ZNF516: variants seen among roughly 807,000 people sequenced by gnomAD.
ZNF516 encodes the protein zinc finger protein 516.
ZNF516 carries 19 observed loss-of-function variants against 79.7 expected under a neutral mutation model. The ratio of observed to expected loss-of-function variants is 0.24; its 90% confidence interval spans 0.17 to 0.35. ZNF516 has a LOEUF of 0.35. ZNF516 is among the 10% of genes least tolerant of loss of function. The pLI is 1.00. For synonymous variants in ZNF516, 877 were observed against 739.5 expected, an observed-to-expected ratio of 1.19 and a Z score of -3.02; for missense variants, 1,678 against 1,679.5, an observed-to-expected ratio of 1.00 and a Z score of 0.02.
intron 2 of ZNF516, among the ~76,000 whole-genome samples, chr18:76,447,376 G>A (rs1035812112): frequency 2.0e-5 from 3 of 152,224 alleles, no homozygotes; most frequent in Admixed American, 6.5e-5. Flanking sequence ...CTAGTGGGGC[G>A]TGCCTCACGT....
At chr18:76,460,157 T>TC (rs1324929290) in intron 2 of ZNF516, among the ~76,000 whole-genome samples, 2 of 152,252 alleles carry the variant, frequency 1.3e-5, no homozygotes, top group East Asian at 3.9e-4. Flanking sequence ...CTCCGATGAC[T>TC]CCTAGTGCTG....
chr18:76,368,344 T>C (rs1396990145), intron 6 of ZNF516, among the ~76,000 whole-genome samples: 2 of 152,064 alleles, frequency 1.3e-5, no homozygotes, highest in Admixed American at 6.5e-5. Flanking sequence ...TGCAGAGCAT[T>C]CAGTGATAAA....
chr18:76,492,616 C>A (rs2145846032), intron 1 of ZNF516: 1 of 638,802 alleles, frequency 1.6e-6, no homozygotes, highest in Non-Finnish European at 1.9e-6. Flanking sequence ...TTTGCCCGGG[C>A]GAGTGGGTTC....
chr18:76,424,595 A>T (rs1444303177), intron 3 of ZNF516, among the ~76,000 whole-genome samples: 1 of 130,306 alleles, frequency 7.7e-6, no homozygotes, highest in African/African-American at 3.0e-5. Flanking sequence ...CGCAGGTGAA[A>T]AGGCTCCCCC....
At chr18:76,376,456 A>C (rs1317707974) in intron 4 of ZNF516, among the ~76,000 whole-genome samples, 1 of 152,184 alleles carries the variant, frequency 6.6e-6, no homozygotes, top group East Asian at 1.9e-4. Flanking sequence ...AGAAGAATAA[A>C]TAACCCAAGA....
At chr18:76,460,471 G>A (rs147153075) in intron 2 of ZNF516, among the ~76,000 whole-genome samples, 6 of 152,090 alleles carry the variant, frequency 3.9e-5, no homozygotes, top group Non-Finnish European at 7.4e-5. Flanking sequence ...AGTAACATCC[G>A]GGGCTACAAA....
At chr18:76,491,977 C>G (rs1299579564) in intron 1 of ZNF516, among the ~76,000 whole-genome samples, 3 of 152,134 alleles carry the variant, frequency 2.0e-5, no homozygotes, top group Non-Finnish European at 4.4e-5. Flanking sequence ...ACCTTGTAAC[C>G]GAGTTAGATT....
intron 2 of ZNF516, among the ~76,000 whole-genome samples, chr18:76,443,522 G>A (rs896446478): frequency 6.6e-6 from 1 of 152,276 alleles, no homozygotes; most frequent in Non-Finnish European, 1.5e-5. Context: ...GTGTGTAGGA[G>A]TGTGAGGAAT....
chr18:76,487,715 G>A (rs1192491833), intron 1 of ZNF516, among the ~76,000 whole-genome samples: 2 of 152,128 alleles, frequency 1.3e-5, no homozygotes, highest in East Asian at 1.9e-4. Flanking sequence ...TCTTAACTGA[G>A]GGCAGAGGTC....
intron 3 of ZNF516, among the ~76,000 whole-genome samples, chr18:76,410,221 G>C (rs1450398051): frequency 2.0e-5 from 3 of 152,242 alleles, no homozygotes; most frequent in African/African-American, 7.2e-5. Context: ...GGACAGGGAA[G>C]TATGAGGGCT....
At chr18:76,472,615 C>G (rs1913912996) in intron 1 of ZNF516, among the ~76,000 whole-genome samples, 1 of 152,272 alleles carries the variant, frequency 6.6e-6, no homozygotes, top group African/African-American at 2.4e-5. Context: ...CACTTTTCTG[C>G]TGCTTGGATT....
At chr18:76,481,012 G>A (rs1436021342) in intron 1 of ZNF516, among the ~76,000 whole-genome samples, 3 of 152,286 alleles carry the variant, frequency 2.0e-5, no homozygotes, top group East Asian at 3.9e-4. Context: ...TAGGGAAAAC[G>A]TTTGCTGACC....
At position 76,371,473 on chromosome 18, in the gene ZNF516, G is replaced by T; in HGVS notation, c.3358C>A (p.His1120Asn). ...CTGGGCGGGAGGGCGATACCTGAGT[G>T]TGCCCGCATGTGGGCCCTGAGGTGG... is the stretch of plus-strand genomic sequence containing the variant. Reference protein sequence around the residue: ...PGHLRAHMRAHSVVFESDGPR... With the variant: ...PGHLRAHMRANSVVFESDGPR... The change falls in exon 5 of 7, where the codon CAC becomes AAC. Residue 1120 changes from histidine (H) to asparagine (N), a missense_variant. Physicochemically the swap from His to Asn is moderately conservative, Grantham distance 68. Coordinates refer to ENST00000443185, the MANE Select transcript of ZNF516 (RefSeq NM_014643.4). 1 of 1,606,764 alleles carries T rather than the reference G, an allele frequency of 6.2e-7. No individual in the cohort carries two copies.
Position 76,467,811 on chromosome 18 carries a change from C to A in ZNF516, c.-271-4670G>T, listed in dbSNP as rs1205547894. ...CTGAGTTATTTTTACCAAATAAATT[C>A]AAGTCCAGTTATCGAATAACTACAT... On this transcript the variant is annotated intron_variant, in intron 1 of 6. Coordinates refer to ENST00000443185, the MANE Select transcript of ZNF516 (RefSeq NM_014643.4). The surrounding 1 kb of genome is among the most constrained non-coding windows in gnomAD (Gnocchi z 4.2). 6.6e-6 allele frequency among the ~76,000 whole-genome samples: 1 copy of A among 152,250 alleles called. No individual in the cohort carries two copies. Among genetic ancestry groups the A allele is most frequent in the African/African-American group, 2.4e-5 (1 of 41,458 alleles).
chr18:76,448,460 C>T (rs1341519546), intron 2 of ZNF516, among the ~76,000 whole-genome samples: 1 of 152,214 alleles, frequency 6.6e-6, no homozygotes, highest in African/African-American at 2.4e-5. Flanking sequence ...TGCTGAAACA[C>T]TTCCCGGTGT....
At chr18:76,446,303 C>A (rs1288149935) in intron 2 of ZNF516, among the ~76,000 whole-genome samples, 1 of 152,188 alleles carries the variant, frequency 6.6e-6, no homozygotes, top group Non-Finnish European at 1.5e-5. Flanking sequence ...TTAGGCCCCT[C>A]TTCTCATCCC....
At chr18:76,435,017 T>C (rs2075711199) in intron 3 of ZNF516, among the ~76,000 whole-genome samples, 1 of 152,352 alleles carries the variant, frequency 6.6e-6, no homozygotes, top group Non-Finnish European at 1.5e-5. Context: ...CCATTCGGCA[T>C]GGGGCAAAAG....
chr18:76,392,703 G>C (rs1463936292), intron 3 of ZNF516, among the ~76,000 whole-genome samples: 2 of 60,960 alleles, frequency 3.3e-5, no homozygotes, highest in African/African-American at 1.9e-4. Flanking sequence ...GACCAGGTGG[G>C]GGAAAGGTGG....
intron 1 of ZNF516, among the ~76,000 whole-genome samples, chr18:76,464,620 G>A (rs188574690): frequency 6.6e-6 from 1 of 151,728 alleles, no homozygotes; most frequent in Non-Finnish European, 1.5e-5. Context: ...GTGGCCTCCT[G>A]GACTTGCAGG....
Sources: gnomAD v4.1 joint callset for allele counts (sites outside exome capture counted in the v4.1 genomes callset) on GRCh38, gnomAD v4.1.1 for gene constraint, Gnocchi (gnomAD v3.1) non-coding constraint, MANE v1.5 for transcripts, NCBI Gene and HGNC (gene_info 2026-07-23, HGNC 2026-07-21) for gene names.